The following CERT1 variants were observed in gnomAD, a reference collection of about 807,000 sequenced individuals.
CERT1 encodes the protein ceramide transporter 1, also known as ceramide transfer protein.
Under a neutral mutation model 87.9 loss-of-function variants are expected in CERT1, and 31 were observed. The observed-to-expected ratio is 0.35, with a 90% CI of 0.27 to 0.48. The LOEUF (loss-of-function observed/expected upper bound fraction) is 0.48. Ranked by LOEUF, CERT1 falls within the 20% of genes least tolerant of loss-of-function variation. CERT1 has a pLI of 0.99. For missense variants in CERT1, 487 were observed against 758.0 expected (o/e 0.64, Z 4.20); for synonymous variants, 289 against 250.9 (o/e 1.15, Z -1.44).
chr5:75,424,336 C>T (rs1763509519), intron 5 of CERT1, among the ~76,000 whole-genome samples: 1 of 152,034 alleles, frequency 6.6e-6, no homozygotes, highest in Non-Finnish European at 1.5e-5. Context: ...AATCCCAGCA[C>T]TTTGGAAGGC....
At chr5:75,455,119 T>C (rs887223936) in intron 3 of CERT1, among the ~76,000 whole-genome samples, 4 of 152,206 alleles carry the variant, frequency 2.6e-5, no homozygotes, top group Admixed American at 1.3e-4. Context: ...ATAGATGCGA[T>C]GCAATGCCTA....
At chr5:75,450,546 T>C (rs1764730268) in intron 3 of CERT1, among the ~76,000 whole-genome samples, 1 of 152,204 alleles carries the variant, frequency 6.6e-6, no homozygotes, top group South Asian at 2.1e-4. Context: ...CCGATCCAGG[T>C]CTTTTTCTGA....
chr5:75,379,203 C>T lies in CERT1; in HGVS notation c.*143G>A. 1.3e-6 allele frequency: 1 copy of T among 775,894 alleles called. No individual in the cohort carries two copies. Among genetic ancestry groups the T allele is most frequent in the Non-Finnish European group, 2.0e-6 (1 of 489,212 alleles). The allele number at this position is 775,894 out of a possible 1,614,324, so 48.1% of individuals were successfully genotyped here. ...TTTAAAACAACAACAACGACAACAA[C>T]AAAAACCAACGAAACAATACTCTAT... On this transcript the variant is annotated 3_prime_UTR_variant, in exon 17 of 17. Coordinates refer to ENST00000643780, the MANE Select transcript of CERT1 (RefSeq NM_001379029.1).
At chr5:75,496,545 T>C (rs1767078811) in intron 2 of CERT1, among the ~76,000 whole-genome samples, 1 of 152,230 alleles carries the variant, frequency 6.6e-6, no homozygotes, top group Non-Finnish European at 1.5e-5. Flanking sequence ...CCTTATTTAT[T>C]GTATCTCAAA....
chr5:75,423,198 C>T (rs1051738547), intron 5 of CERT1, among the ~76,000 whole-genome samples: 5 of 152,160 alleles, frequency 3.3e-5, no homozygotes, highest in Non-Finnish European at 5.9e-5. Flanking sequence ...CCACTTTTTC[C>T]ACCATCACTT....
At chr5:75,394,089 T>C (rs1410044617) in intron 11 of CERT1, among the ~76,000 whole-genome samples, 4 of 152,206 alleles carry the variant, frequency 2.6e-5, no homozygotes, top group African/African-American at 9.6e-5. Flanking sequence ...GCTAAGAACA[T>C]AGCACTTTTA....
intron 2 of CERT1, among the ~76,000 whole-genome samples, chr5:75,459,947 G>A (rs3925086): frequency 0.081 from 11,098 of 136,282 alleles, 520 homozygotes; most frequent in South Asian, 0.18. Context: ...GGGTGACAGA[G>A]TGAGTCCTCC....
intron 2 of CERT1, among the ~76,000 whole-genome samples, chr5:75,471,754 C>CAAAAAAAAAA (rs796209502): frequency 2.0e-5 from 1 of 50,790 alleles, no homozygotes. Context: ...GACTTCATCT[C>CAAAAAAAAAA]AAAAAAAAAA....
intron 9 of CERT1, 174 bp from the exon 10 acceptor site, chr5:75,400,471 G>A (rs1386645185): frequency 3.8e-6 from 2 of 529,946 alleles, no homozygotes; most frequent in Non-Finnish European, 6.7e-6. Context: ...ACTTGCCTCA[G>A]ATATCCCAAT....
At chr5:75,393,602 T>TTAAAAAAAAAAAAAAAAAAAAAAAAAA (rs1179766169) in intron 11 of CERT1, among the ~76,000 whole-genome samples, 1 of 32,770 alleles carries the variant, frequency 3.1e-5, no homozygotes, top group East Asian at 1.1e-3. Flanking sequence ...CTCATCTACT[T>TTAAAAAAAAAAAAAAAAAAAAAAAAAA]AAAAAAAAAA....
At chr5:75,511,917 G>T, upstream of CERT1, 1 of 1,218,470 alleles carries the variant, frequency 8.2e-7, no homozygotes, top group Non-Finnish European at 1.1e-6. Context: ...GGTAACGGGT[G>T]AGTATCCCGC....
chr5:75,433,998 T>C (rs1017393172), intron 3 of CERT1, among the ~76,000 whole-genome samples: 2 of 152,306 alleles, frequency 1.3e-5, no homozygotes, highest in Middle Eastern at 3.4e-3. Flanking sequence ...TCTTGACTTA[T>C]CGTTCTGGCT....
intron 2 of CERT1, among the ~76,000 whole-genome samples, chr5:75,499,100 C>A (rs1050287518): frequency 6.6e-6 from 1 of 152,200 alleles, no homozygotes; most frequent in Non-Finnish European, 1.5e-5. Flanking sequence ...GGTGTATTTA[C>A]CCACTGCCCA....
chr5:75,407,923 A>G, intron 8 of CERT1, among the ~76,000 whole-genome samples: 1 of 148,668 alleles, frequency 6.7e-6, no homozygotes. Flanking sequence ...CATAAAATTG[A>G]CCATCTTAAC....
intron 8 of CERT1, among the ~76,000 whole-genome samples, chr5:75,410,405 C>T (rs61666393): frequency 0.087 from 13,168 of 151,844 alleles, 619 homozygotes; most frequent in South Asian, 0.12. Flanking sequence ...GTCAGGAGAT[C>T]GAGACCATCC....
intron 9 of CERT1, chr5:75,402,077 A>G (rs1336207025): frequency 1.3e-5 from 2 of 152,234 alleles, no homozygotes; most frequent in African/African-American, 4.8e-5. Flanking sequence ...TTAATCTTGA[A>G]GCTAGTTAAT....
At chr5:75,477,974 C>T (rs555955931) in intron 2 of CERT1, among the ~76,000 whole-genome samples, 1 of 151,870 alleles carries the variant, frequency 6.6e-6, no homozygotes, top group African/African-American at 2.4e-5. Flanking sequence ...CTTAACAAAC[C>T]CCACTTAAAA....
intron 2 of CERT1, among the ~76,000 whole-genome samples, chr5:75,489,178 A>G (rs1028884741): frequency 1.3e-5 from 2 of 152,226 alleles, no homozygotes; most frequent in Admixed American, 1.3e-4. Context: ...TGGTGTTGGG[A>G]AAACTGGCTA....
At chr5:75,390,140 G>A (rs1053474277) in intron 11 of CERT1, among the ~76,000 whole-genome samples, 2 of 152,076 alleles carry the variant, frequency 1.3e-5, no homozygotes, top group Non-Finnish European at 2.9e-5. Context: ...GACATAGAGA[G>A]AGAGAGCATA....
Sources: allele counts gnomAD v4.1 joint callset (sites outside exome capture counted in the v4.1 genomes callset), GRCh38; gene constraint gnomAD v4.1.1; transcripts MANE v1.5; gene names NCBI Gene and HGNC (gene_info 2026-07-23, HGNC 2026-07-21).